Variants in RALGDS observed in about 807,000 individuals in gnomAD.
RALGDS encodes the protein ral guanine nucleotide exchange factor.
A neutral mutation model predicts 99.8 loss-of-function variants in RALGDS; 44 were observed. The observed-to-expected ratio is 0.44, with a 90% CI of 0.35 to 0.57. The LOEUF is 0.57. Among genes scored for constraint, RALGDS ranks in the 20% least tolerant of loss-of-function variants. RALGDS has a pLI of 0.01. For synonymous variants in RALGDS, 529 were observed against 505.0 expected (o/e 1.05, Z -0.64); for missense variants, 1,022 against 1,203.1 (o/e 0.85, Z 2.23).
upstream of RALGDS, among the ~76,000 whole-genome samples, chr9:133,126,222 A>C (rs549542): frequency 1.4e-5 from 2 of 145,852 alleles, no homozygotes; most frequent in African/African-American, 5.1e-5. Context: ...CAGGTTCCCA[A>C]CCTCCCCCCG....
At chr9:133,116,925 G>A (rs1484248038) in intron 1 of RALGDS, among the ~76,000 whole-genome samples, 1 of 152,260 alleles carries the variant, frequency 6.6e-6, no homozygotes, top group Non-Finnish European at 1.5e-5. Context: ...TGGAGGAGGG[G>A]CCAGAGACAG....
At chr9:133,101,280 C>A in intron 16 of RALGDS, 1 of 1,364,056 alleles carries the variant, frequency 7.3e-7, no homozygotes, top group South Asian at 1.4e-5. Context: ...GACCTCACCT[C>A]CCCTACAGCA....
At chr9:133,106,435 A>G (rs1398034099) in intron 8 of RALGDS, among the ~76,000 whole-genome samples, 1 of 152,122 alleles carries the variant, frequency 6.6e-6, no homozygotes, top group Non-Finnish European at 1.5e-5. Context: ...CTGTGGCTAC[A>G]ACACGAATAC....
In RALGDS at chr9:133,100,594, T is replaced by C. The variant is rs189653972; in HGVS notation, c.2455-212A>G. ...TTCTGTTCCCCATGTGAGGCCTCCA[T>C]GGAATGAGGAGGGGTCTGTCCCAGC... On this transcript the variant is annotated intron_variant, in intron 16 of 17. Coordinates refer to ENST00000372050, the MANE Select transcript of RALGDS (RefSeq NM_006266.4). The C allele has an allele frequency of 5.2e-4, 743 of 1,436,188 alleles. 4 individuals are homozygous for C. The African/African-American group carries it at 9.2e-3, about 18-fold the overall frequency. 89.0% of individuals were successfully genotyped at this position (1,436,188 alleles called of 1,614,324 possible).
At chr9:133,135,472 C>A (rs1186538172), upstream of RALGDS, among the ~76,000 whole-genome samples, 1 of 152,232 alleles carries the variant, frequency 6.6e-6, no homozygotes, top group Non-Finnish European at 1.5e-5. Context: ...CCTGCCCCAG[C>A]CGCTCCCATT....
intron 1 of RALGDS, among the ~76,000 whole-genome samples, chr9:133,142,641 G>GC (rs1832542483): frequency 6.6e-6 from 1 of 152,128 alleles, no homozygotes; most frequent in Non-Finnish European, 1.5e-5. Flanking sequence ...CTATGGGGGG[G>GC]CCCACATACC....
chr9:133,131,507 G>A (rs1303015968), upstream of RALGDS, among the ~76,000 whole-genome samples: 3 of 152,008 alleles, frequency 2.0e-5, no homozygotes, highest in African/African-American at 4.8e-5. Flanking sequence ...TGGGAACCAT[G>A]TTCTTCCCCC....
At chr9:133,147,018 CTG>C in intron 1 of RALGDS, among the ~76,000 whole-genome samples, 1 of 152,364 alleles carries the variant, frequency 6.6e-6, no homozygotes, top group Middle Eastern at 3.4e-3. Flanking sequence ...TCCACAGAAA[CTG>C]TGTGATGATC....
upstream of RALGDS, among the ~76,000 whole-genome samples, chr9:133,125,460 G>A (rs1328759846): frequency 2.6e-5 from 4 of 152,336 alleles, no homozygotes; most frequent in South Asian, 2.1e-4. Context: ...ATGGCCAGAC[G>A]CAGTGGCTCA....
chr9:133,106,545 C>T, intron 8 of RALGDS, 100 bp downstream of exon 8: 1 of 891,608 alleles, frequency 1.1e-6, no homozygotes, highest in South Asian at 1.4e-5. Context: ...AGGGTCCCTG[C>T]CCTCAGGGTT....
intron 4 of RALGDS, among the ~76,000 whole-genome samples, chr9:133,109,093 G>A (rs1464060850): frequency 1.3e-5 from 2 of 152,176 alleles, no homozygotes; most frequent in Non-Finnish European, 2.9e-5. Flanking sequence ...CCCCCTCCTC[G>A]CTGGAATGTA....
chr9:133,099,606 A>G (rs1431623697), intron 17 of RALGDS: 1 of 153,402 alleles, frequency 6.5e-6, no homozygotes, highest in Non-Finnish European at 1.5e-5. Flanking sequence ...ACATGCATAT[A>G]TATACACACA....
intron 10 of RALGDS, among the ~76,000 whole-genome samples, 155 bp downstream of exon 10, chr9:133,104,108 T>C (rs1830899943): frequency 6.6e-6 from 1 of 152,180 alleles, no homozygotes. Flanking sequence ...GCAGCTGGTC[T>C]TCCCAGATAC....
At position 133,109,649 on chromosome 9, in the gene RALGDS, A is replaced by C. The variant is rs751387951; in HGVS notation, c.561T>G (p.Gly187=). 1.2e-6 allele frequency: 2 copies of C among 1,613,702 alleles called. No individual in the cohort carries two copies. The highest frequency in any genetic ancestry group is 1.7e-6 in the Non-Finnish European group (2 of 1,179,916). Residue 187 remains glycine, a synonymous_variant, in exon 4 of 18, where the codon GGT becomes GGG. Coordinates refer to ENST00000372050, the MANE Select transcript of RALGDS (RefSeq NM_006266.4). ...ACTTTTTAAGTTGGTCCTGGGGTCC[A>C]CCATCCTCGTCGGAATAGGGGAGGA... ...GCILPYSDED[G]GPQDQLKNAI...
chr9:133,120,678 G>A (rs1331088972), intron 1 of RALGDS, among the ~76,000 whole-genome samples: 2 of 152,198 alleles, frequency 1.3e-5, no homozygotes, highest in African/African-American at 4.8e-5. Context: ...CGCAGAAAAA[G>A]GTCCACCTGG....
At chr9:133,127,877 G>A (rs1437755291) in intron 1 of RALGDS, among the ~76,000 whole-genome samples, 2 of 152,218 alleles carry the variant, frequency 1.3e-5, no homozygotes, top group African/African-American at 2.4e-5. Flanking sequence ...GGGCGCTGCC[G>A]TCCCAGCACA....
At chr9:133,127,257 G>A (rs532366789) in intron 1 of RALGDS, among the ~76,000 whole-genome samples, 73 of 152,370 alleles carry the variant, frequency 4.8e-4, no homozygotes, top group African/African-American at 4.1e-4. Context: ...GGGGGCTGCC[G>A]GACACACAGC....
upstream of RALGDS, chr9:133,131,194 G>A (rs1832323787): frequency 7.2e-7 from 1 of 1,387,624 alleles, no homozygotes; most frequent in African/African-American, 1.5e-5. Context: ...GTGGGCCTTA[G>A]GGGACCCAGC....
At chr9:133,112,501 G>A (rs1831398027) in intron 1 of RALGDS, among the ~76,000 whole-genome samples, 1 of 152,202 alleles carries the variant, frequency 6.6e-6, no homozygotes, top group Admixed American at 6.5e-5. Context: ...GTAAATGGAG[G>A]CTGAGAGAGG....
Sources: gnomAD v4.1 joint callset for allele counts (sites outside exome capture counted in the v4.1 genomes callset) on GRCh38, gnomAD v4.1.1 for gene constraint, MANE v1.5 for transcripts, NCBI Gene and HGNC (gene_info 2026-07-23, HGNC 2026-07-21) for gene names.